The following ABCB10 variants were observed in gnomAD, a reference collection of about 807,000 sequenced individuals.
ABCB10 encodes the protein ATP-binding cassette sub-family B member 10, mitochondrial.
ABCB10 carries 54 observed loss-of-function variants against 65.4 expected under a neutral mutation model. The observed-to-expected ratio is 0.83, with a 90% CI of 0.66 to 1.04. The LOEUF is 1.04. Among genes scored for constraint, ABCB10 ranks in the 50% least tolerant of loss-of-function variants. ABCB10 has a pLI of 0.00. For missense variants in ABCB10, 846 were observed against 976.6 expected (o/e 0.87, Z 1.78); for synonymous variants, 418 against 406.5 (o/e 1.03, Z -0.34).
At chr1:229,537,985 A>G (rs1312631580) in intron 6 of ABCB10, among the ~76,000 whole-genome samples, 3 of 152,188 alleles carry the variant, frequency 2.0e-5, no homozygotes, top group Non-Finnish European at 4.4e-5. Flanking sequence ...TGACCTACCC[A>G]TATTTTCTCT....
chr1:229,550,525 CAAAAA>C (rs60323914), intron 1 of ABCB10, among the ~76,000 whole-genome samples: 1 of 63,542 alleles, frequency 1.6e-5, no homozygotes, highest in African/African-American at 7.4e-5. Context: ...ATGCTGTCTC[CAAAAA>C]AAAAAAAAAA....
At chr1:229,532,845 C>T (rs1022798281) in intron 6 of ABCB10, among the ~76,000 whole-genome samples, 1 of 152,200 alleles carries the variant, frequency 6.6e-6, no homozygotes, top group Admixed American at 6.5e-5. Context: ...TGCACCACTG[C>T]ACTCTGGCAG....
intron 1 of ABCB10, among the ~76,000 whole-genome samples, chr1:229,557,503 TGAG>T (rs765876572): frequency 1.8e-4 from 28 of 152,326 alleles, no homozygotes; most frequent in African/African-American, 6.3e-4. Context: ...GGCTAAAAAA[TGAG>T]GAGCTATAGA....
intron 2 of ABCB10, among the ~76,000 whole-genome samples, 190 bp downstream of exon 2, chr1:229,549,044 G>C (rs1047389454): frequency 1.3e-5 from 2 of 152,188 alleles, no homozygotes; most frequent in African/African-American, 4.8e-5. Context: ...AGAGTTGAGA[G>C]TGCTTGATCT....
At chr1:229,557,880 CAAT>C (rs1274163584) in intron 1 of ABCB10, among the ~76,000 whole-genome samples, 1 of 152,188 alleles carries the variant, frequency 6.6e-6, no homozygotes, top group African/African-American at 2.4e-5. Flanking sequence ...CCAAAGATTC[CAAT>C]AATGACATAT....
At chr1:229,519,463 T>C (rs1662250486) in intron 11 of ABCB10, among the ~76,000 whole-genome samples, 1 of 152,224 alleles carries the variant, frequency 6.6e-6, no homozygotes, top group African/African-American at 2.4e-5. Flanking sequence ...AGCACAGTTT[T>C]ATCCTGCTGG....
At chr1:229,551,967 T>A (rs1663127269) in intron 1 of ABCB10, among the ~76,000 whole-genome samples, 1 of 152,238 alleles carries the variant, frequency 6.6e-6, no homozygotes, top group African/African-American at 2.4e-5. Flanking sequence ...TCTAAATCAG[T>A]TATGATTCTA....
Position 229,546,387 on chromosome 1 carries a change from GTTTTTAGGGAGTCAAAAGT to G in ABCB10, c.921+1093_921+1111del, listed in dbSNP as rs1306046705. On this transcript the variant is annotated intron_variant, in intron 3 of 12. Transcript: ENST00000344517. ...TCAACAGTAGGCTATTAGTAGTTGA[GTTTTTAGGGAGTCAAAAGT>G]TATACTTTGATTTTTGACTGTGTGG... Among the ~76,000 whole-genome samples, 4 of 152,078 alleles carry G rather than the reference GTTTTTAGGGAGTCAAAAGT, an allele frequency of 2.6e-5. No individual in the cohort carries two copies. In the South Asian group the frequency reaches 6.2e-4, roughly 24 times the overall value.
At chr1:229,529,926 G>C (rs929465540) in intron 8 of ABCB10, among the ~76,000 whole-genome samples, 1 of 152,108 alleles carries the variant, frequency 6.6e-6, no homozygotes, top group African/African-American at 2.4e-5. Context: ...GGAGATACCC[G>C]CATGGGAGAT....
At chr1:229,542,509 C>T in intron 3 of ABCB10, 138 bp from the exon 4 acceptor site, 1 of 1,074,830 alleles carries the variant, frequency 9.3e-7, no homozygotes. Context: ...CTTGAAGGTA[C>T]TGTCCCCAAG....
chr1:229,545,179 T>G (rs969568329), intron 3 of ABCB10, among the ~76,000 whole-genome samples: 16 of 152,234 alleles, frequency 1.1e-4, no homozygotes, highest in Non-Finnish European at 2.4e-4. Context: ...CCAAGTGATT[T>G]TTCCCAGCTT....
At chr1:229,542,152 A>C in intron 4 of ABCB10, 85 bp downstream of exon 4, 1 of 1,492,282 alleles carries the variant, frequency 6.7e-7, no homozygotes, top group Non-Finnish European at 8.9e-7. Context: ...GAAAAACCTA[A>C]GTACATCCCT....
intron 5 of ABCB10, among the ~76,000 whole-genome samples, chr1:229,540,353 G>A (rs528145067): frequency 6.6e-6 from 1 of 152,318 alleles, no homozygotes; most frequent in East Asian, 1.9e-4. Context: ...CTCAGGCAAA[G>A]CTGATGCCGC....
intron 4 of ABCB10, among the ~76,000 whole-genome samples, chr1:229,541,891 A>T (rs1341716683): frequency 6.7e-6 from 1 of 149,710 alleles, no homozygotes; most frequent in Non-Finnish European, 1.5e-5. Context: ...CTAAGCTGTG[A>T]TTGTACCACT....
intron 10 of ABCB10, among the ~76,000 whole-genome samples, chr1:229,522,321 C>T (rs1042208386): frequency 2.6e-5 from 4 of 152,200 alleles, no homozygotes; most frequent in East Asian, 1.9e-4. Context: ...ATCCTCCTGC[C>T]TCAGCCTCCT....
chr1:229,542,502 G>T, intron 3 of ABCB10, 131 bp from the exon 4 acceptor site: 1 of 1,122,414 alleles, frequency 8.9e-7, no homozygotes, highest in Non-Finnish European at 1.2e-6. Flanking sequence ...CAGCAGGCTT[G>T]AAGGTACTGT....
chr1:229,546,651 A>C (rs927087802), intron 3 of ABCB10, among the ~76,000 whole-genome samples: 1 of 152,094 alleles, frequency 6.6e-6, no homozygotes, highest in Admixed American at 6.6e-5. Flanking sequence ...CAGGAGGATC[A>C]CTTGAGGCCA....
At chr1:229,541,964 C>CAAAAAAAAAAAAA (rs77020136) in intron 4 of ABCB10, among the ~76,000 whole-genome samples, 1 of 123,732 alleles carries the variant, frequency 8.1e-6, no homozygotes. Flanking sequence ...AAAAAAAAAA[C>CAAAAAAAAAAAAA]AAAAAAAAAA....
rs1343579384 is a variant in ABCB10 at position 229,521,768 on chromosome 1, AC to A, written c.1907-134del. Reference sequence around the variant, plus strand: ...CATAGCTGACACAGATAGACCAGAAACCTATTTTAAAATATAGGTTTAAAAT... The same window carrying A: ...CATAGCTGACACAGATAGACCAGAAACTATTTTAAAATATAGGTTTAAAAT... On this transcript the variant is annotated intron_variant, in intron 10 of 12. Transcript: ENST00000344517. 5 of 780,192 alleles carry A rather than the reference AC, an allele frequency of 6.4e-6. No individual in the cohort carries two copies. The Admixed American group carries it at 1.5e-4, about 24-fold the overall frequency. The allele number at this position is 780,192 out of a possible 1,614,324, so 48.3% of individuals were successfully genotyped here.
Sources: allele counts gnomAD v4.1 joint callset (sites outside exome capture counted in the v4.1 genomes callset), GRCh38; gene constraint gnomAD v4.1.1; transcripts MANE v1.5; gene names NCBI Gene and HGNC (gene_info 2026-07-23, HGNC 2026-07-21).